The following IL1RAPL1 variants were observed in gnomAD, a reference collection of about 807,000 sequenced individuals.
IL1RAPL1 encodes the protein interleukin 1 receptor accessory protein like 1, also known as interleukin-1 receptor accessory protein-like 1.
IL1RAPL1 carries 3 observed loss-of-function variants against 48.4 expected under a neutral mutation model. That is an observed-to-expected ratio of 0.06 (90% CI 0.03 to 0.16). The LOEUF (loss-of-function observed/expected upper bound fraction) is 0.16. Ranked by LOEUF, IL1RAPL1 falls within the 10% of genes least tolerant of loss-of-function variation. The pLI is 1.00. For synonymous variants in IL1RAPL1, 185 were observed against 187.7 expected (o/e 0.99, Z 0.12); for missense variants, 349 against 530.6 (o/e 0.66, Z 3.36).
chrX:29,788,023 A>G (rs891795166), intron 6 of IL1RAPL1, among the ~76,000 whole-genome samples: 4 of 112,136 alleles, frequency 3.6e-5, no homozygotes, highest in Admixed American at 9.5e-5. Context: ...TTGTTGCTCA[A>G]TGATACTTTA....
At chrX:29,472,744 G>A (rs1229479382) in intron 5 of IL1RAPL1, among the ~76,000 whole-genome samples, 5 of 111,765 alleles carry the variant, frequency 4.5e-5, no homozygotes, top group South Asian at 3.7e-4. Context: ...CTGTTACCTC[G>A]TCAGTAAGAT....
rs185303760 is a variant in IL1RAPL1 at position 29,885,304 on chromosome X, G to T, written c.779-32160G>T. Among the ~76,000 whole-genome samples, 178 of 112,001 alleles carry T rather than the reference G, an allele frequency of 1.6e-3. 1 individual carries two copies. Among genetic ancestry groups the T allele is most frequent in the Middle Eastern group, 4.6e-3 (1 of 218 alleles). ...CTATTCTACTGCCAGCATTTCTGAG[G>T]TCTACCTTTTCTCCTTTCCCCATAT... On this transcript the variant is annotated intron_variant, in intron 6 of 10. Coordinates refer to ENST00000378993, the MANE Select transcript of IL1RAPL1 (RefSeq NM_014271.4).
chrX:29,125,803 A>G (rs995996019), intron 2 of IL1RAPL1, among the ~76,000 whole-genome samples: 2 of 110,216 alleles, frequency 1.8e-5, no homozygotes, highest in African/African-American at 6.6e-5. Flanking sequence ...GATCAAGCAA[A>G]GAAGTACCCA....
At chrX:29,588,336 A>G (rs774191544) in intron 5 of IL1RAPL1, among the ~76,000 whole-genome samples, 7 of 112,198 alleles carry the variant, frequency 6.2e-5, no homozygotes, top group Non-Finnish European at 1.3e-4. Flanking sequence ...ATAAGTCACA[A>G]TTATAATGAA....
At chrX:28,719,243 A>G (rs947003252) in intron 1 of IL1RAPL1, among the ~76,000 whole-genome samples, 3 of 111,251 alleles carry the variant, frequency 2.7e-5, no homozygotes, top group African/African-American at 9.8e-5. Context: ...TCACATAAAG[A>G]TATTAATATT....
At chrX:29,207,350 T>G (rs781673733) in intron 2 of IL1RAPL1, among the ~76,000 whole-genome samples, 2 of 112,202 alleles carry the variant, frequency 1.8e-5, no homozygotes, top group Non-Finnish European at 3.8e-5. Flanking sequence ...GAAGTCAAAA[T>G]GAAATAGTCA....
chrX:29,685,476 C>T (rs764977689), intron 6 of IL1RAPL1, among the ~76,000 whole-genome samples: 1 of 111,287 alleles, frequency 9.0e-6, no homozygotes, highest in South Asian at 3.8e-4. Context: ...CCACTCCAGC[C>T]TGGGTGACAG....
chrX:28,866,182 A>C (rs925584226), intron 2 of IL1RAPL1, among the ~76,000 whole-genome samples: 5 of 112,480 alleles, frequency 4.4e-5, no homozygotes, highest in African/African-American at 1.6e-4. Context: ...AAATATTCAA[A>C]TAGTAAATTC....
intron 5 of IL1RAPL1, among the ~76,000 whole-genome samples, chrX:29,573,133 A>C (rs142669249): frequency 8.9e-6 from 1 of 111,952 alleles, no homozygotes; most frequent in Non-Finnish European, 1.9e-5. Context: ...AGGACAAACA[A>C]ACTCTCTCAG....
At chrX:29,304,404 A>C (rs1932585972) in intron 3 of IL1RAPL1, among the ~76,000 whole-genome samples, 1 of 112,126 alleles carries the variant, frequency 8.9e-6, no homozygotes, top group Admixed American at 9.4e-5. Context: ...AGCTTATTTA[A>C]TAATGAATTT....
chrX:29,434,892 G>A (rs1934464618), intron 5 of IL1RAPL1, among the ~76,000 whole-genome samples: 1 of 110,871 alleles, frequency 9.0e-6, no homozygotes, highest in South Asian at 3.7e-4. Context: ...TATTCACAGT[G>A]TTGTGCAACC....
chrX:28,958,480 A>G (rs1924677365), intron 2 of IL1RAPL1, among the ~76,000 whole-genome samples: 2 of 111,917 alleles, frequency 1.8e-5, no homozygotes, highest in South Asian at 7.4e-4. Flanking sequence ...ATAGACATGC[A>G]TGCAAATCCA....
At chrX:29,128,679 T>C (rs1423897548) in intron 2 of IL1RAPL1, among the ~76,000 whole-genome samples, 1 of 111,737 alleles carries the variant, frequency 8.9e-6, no homozygotes, top group Admixed American at 9.6e-5. Flanking sequence ...CTCTGAGTTC[T>C]GAAAGGTGGG....
chrX:29,817,932 G>A (rs1045499061), intron 6 of IL1RAPL1, among the ~76,000 whole-genome samples: 1 of 111,567 alleles, frequency 9.0e-6, no homozygotes, highest in Non-Finnish European at 1.9e-5. Flanking sequence ...TTTTTCTTAT[G>A]AATATCTCAT....
intron 6 of IL1RAPL1, among the ~76,000 whole-genome samples, chrX:29,788,094 T>A (rs1323910490): frequency 3.6e-5 from 3 of 82,926 alleles, no homozygotes; most frequent in Non-Finnish European, 7.2e-5. Flanking sequence ...GAAGAAACCA[T>A]GATTTAAATT....
intron 7 of IL1RAPL1, among the ~76,000 whole-genome samples, chrX:29,919,694 A>G (rs1262565020): frequency 8.9e-6 from 1 of 112,502 alleles, no homozygotes; most frequent in African/African-American, 3.2e-5. Context: ...TCACCTCTTT[A>G]TTATGACAGT....
rs1933629523 is a variant in IL1RAPL1 at position 29,376,741 on chromosome X, G to A, written c.363-19517G>A. On this transcript the variant is annotated intron_variant, in intron 3 of 10. Transcript: ENST00000378993. ...TTTTATTGTACTGTGGTCTGAGAGT[G>A]TGCTTGACATGATTTTGATTGTTTT... Among the ~76,000 whole-genome samples, 3 of 111,903 alleles carry A rather than the reference G, an allele frequency of 2.7e-5. No individual in the cohort carries two copies. In the South Asian group the frequency reaches 1.1e-3, roughly 42 times the overall value.
intron 2 of IL1RAPL1, among the ~76,000 whole-genome samples, chrX:29,238,390 T>G (rs772506487): frequency 8.9e-6 from 1 of 112,180 alleles, no homozygotes; most frequent in East Asian, 2.8e-4. Flanking sequence ...TTTAATCATA[T>G]TATCCAGACT....
At chrX:29,409,255 A>G (rs1934111638) in intron 5 of IL1RAPL1, among the ~76,000 whole-genome samples, 1 of 112,139 alleles carries the variant, frequency 8.9e-6, no homozygotes, top group African/African-American at 3.2e-5. Flanking sequence ...ACCATCATGT[A>G]TATTATTTTT....
Sources: allele counts gnomAD v4.1 joint callset (sites outside exome capture counted in the v4.1 genomes callset), GRCh38; gene constraint gnomAD v4.1.1; transcripts MANE v1.5; gene names NCBI Gene and HGNC (gene_info 2026-07-23, HGNC 2026-07-21).